NAF1: variants seen among roughly 807,000 people sequenced by gnomAD.
NAF1 encodes the protein H/ACA ribonucleoprotein complex non-core subunit NAF1.
Under a neutral mutation model 40.6 loss-of-function variants are expected in NAF1, and 11 were observed. The ratio of observed to expected loss-of-function variants is 0.27; its 90% CI spans 0.17 to 0.45. The LOEUF is 0.45. Ranked by LOEUF, NAF1 falls within the 20% of genes least tolerant of loss-of-function variation. The pLI is 1.00. For missense variants in NAF1, 607 were observed against 611.1 expected (o/e 0.99, Z 0.07); for synonymous variants, 260 against 228.5 (o/e 1.14, Z -1.24).
chr4:163,148,477 TCAA>T (rs1246389199), intron 2 of NAF1, 43 bp from the exon 3 acceptor site: 2 of 1,335,114 alleles, frequency 1.5e-6, no homozygotes, highest in East Asian at 2.4e-5. Context: ...TCCTCCAGCT[TCAA>T]CAACTTAAAA....
intron 2 of NAF1, among the ~76,000 whole-genome samples, chr4:163,116,174 C>T (rs1313288073): frequency 6.6e-6 from 1 of 152,072 alleles, no homozygotes; most frequent in Non-Finnish European, 1.5e-5. Flanking sequence ...TGCTAATAAA[C>T]AACAATCCAG....
intron 2 of NAF1, among the ~76,000 whole-genome samples, chr4:163,155,080 A>G (rs963984695): frequency 2.0e-5 from 3 of 152,210 alleles, no homozygotes; most frequent in African/African-American, 4.8e-5. Context: ...CATGTCAGAC[A>G]AGGTAATATA....
At chr4:163,138,417 TC>T (rs1731137096) in intron 5 of NAF1, among the ~76,000 whole-genome samples, 1 of 152,056 alleles carries the variant, frequency 6.6e-6, no homozygotes, top group Non-Finnish European at 1.5e-5. Flanking sequence ...TGGGAAAAAT[TC>T]CCCAACTAGT....
At chr4:163,129,509 C>T (rs1460289110) in intron 7 of NAF1, among the ~76,000 whole-genome samples, 161 bp from the exon 8 acceptor site, 1 of 152,068 alleles carries the variant, frequency 6.6e-6, no homozygotes, top group Non-Finnish European at 1.5e-5. Flanking sequence ...ACTGAAAAGA[C>T]AAAACTTAAT....
chr4:163,145,734 AC>A (rs1280849019), intron 4 of NAF1, 47 bp downstream of exon 4: 3 of 1,247,828 alleles, frequency 2.4e-6, no homozygotes, highest in Non-Finnish European at 1.1e-6. Context: ...TCAGAAAAAA[AC>A]AATAAATAAA....
chr4:163,123,260 TACCATGGGGACAGC>T (rs1449730407), downstream of NAF1, among the ~76,000 whole-genome samples: 1 of 152,148 alleles, frequency 6.6e-6, no homozygotes, highest in African/African-American at 2.4e-5. Flanking sequence ...ACTCACACAT[TACCATGGGGACAGC>T]ACCAAACCAT....
At chr4:163,120,174 A>G (rs1177364183) in intron 2 of NAF1, among the ~76,000 whole-genome samples, 2 of 152,176 alleles carry the variant, frequency 1.3e-5, no homozygotes, top group Admixed American at 1.3e-4. Flanking sequence ...GCACTCCTGT[A>G]TGTCATGGGA....
chr4:163,134,688 A>G (rs1180363638), intron 6 of NAF1, among the ~76,000 whole-genome samples: 1 of 152,222 alleles, frequency 6.6e-6, no homozygotes, highest in Admixed American at 6.5e-5. Flanking sequence ...TGAATGAGTT[A>G]GCTATGAAAA....
At chr4:163,140,146 A>C in intron 5 of NAF1, 77 bp downstream of exon 5, 2 of 1,219,028 alleles carry the variant, frequency 1.6e-6, no homozygotes, top group Non-Finnish European at 2.2e-6. Flanking sequence ...TAACTGTAAG[A>C]AATTACATCA....
chr4:163,141,129 G>A (rs1430108630), intron 4 of NAF1, among the ~76,000 whole-genome samples: 3 of 152,130 alleles, frequency 2.0e-5, no homozygotes, highest in East Asian at 1.9e-4. Context: ...ACTTTAGGAG[G>A]TGAGGCGGGC....
downstream of NAF1, among the ~76,000 whole-genome samples, chr4:163,106,725 T>A (rs2110779902): frequency 6.6e-6 from 1 of 152,298 alleles, no homozygotes; most frequent in African/African-American, 2.4e-5. Context: ...GAGTTAATCT[T>A]ATGTTTTCTG....
At chr4:163,155,706 T>C (rs538034675) in intron 2 of NAF1, among the ~76,000 whole-genome samples, 2 of 152,064 alleles carry the variant, frequency 1.3e-5, no homozygotes, top group South Asian at 4.1e-4. Context: ...AATGAATAAA[T>C]CTCCTCAGAT....
chr4:163,160,861 T>C (rs544365578), intron 2 of NAF1, among the ~76,000 whole-genome samples: 1 of 152,206 alleles, frequency 6.6e-6, no homozygotes, highest in South Asian at 2.1e-4. Flanking sequence ...ATAGACCACA[T>C]AGAGCTTGAA....
At chr4:163,163,495 A>G (rs1732312856) in intron 2 of NAF1, among the ~76,000 whole-genome samples, 1 of 151,972 alleles carries the variant, frequency 6.6e-6, no homozygotes, top group Non-Finnish European at 1.5e-5. Flanking sequence ...GCAGGGGTAG[A>G]AAAAAAACAA....
chr4:163,117,025 G>A (rs540129145), intron 2 of NAF1, among the ~76,000 whole-genome samples: 17 of 152,194 alleles, frequency 1.1e-4, no homozygotes, highest in African/African-American at 3.6e-4. Flanking sequence ...TCTAGGAATT[G>A]TTTTCTTCTA....
At chr4:163,125,003 C>A (rs779713665), downstream of NAF1, among the ~76,000 whole-genome samples, 2 of 152,162 alleles carry the variant, frequency 1.3e-5, no homozygotes, top group African/African-American at 2.4e-5. Flanking sequence ...TGTGTTATAG[C>A]GATCTCAATC....
At chr4:163,139,312 A>G (rs1268735559) in intron 5 of NAF1, among the ~76,000 whole-genome samples, 1 of 152,076 alleles carries the variant, frequency 6.6e-6, no homozygotes, top group Non-Finnish European at 1.5e-5. Context: ...ACTAAAAGGA[A>G]CTTCTGTGTC....
intron 2 of NAF1, among the ~76,000 whole-genome samples, chr4:163,111,465 T>C (rs1157811949): frequency 6.6e-6 from 1 of 152,174 alleles, no homozygotes; most frequent in Non-Finnish European, 1.5e-5. Context: ...CTTGATCAAC[T>C]GGAAGGATGG....
chr4:163,127,887 G>A (rs1204057714), downstream of NAF1, among the ~76,000 whole-genome samples: 1 of 152,166 alleles, frequency 6.6e-6, no homozygotes, highest in Non-Finnish European at 1.5e-5. Flanking sequence ...CATCTACTTA[G>A]TGGAAACTGC....
Sources: allele counts gnomAD v4.1 joint callset (sites outside exome capture counted in the v4.1 genomes callset), GRCh38; gene constraint gnomAD v4.1.1; transcripts MANE v1.5; gene names NCBI Gene and HGNC (gene_info 2026-07-23, HGNC 2026-07-21).